Variants in DTL observed in about 807,000 individuals in gnomAD.
DTL encodes denticleless E3 ubiquitin protein ligase adapter.
In DTL, 46 loss-of-function variants were observed where a neutral mutation model predicts 87.0. The ratio of observed to expected loss-of-function variants is 0.53; its 90% CI spans 0.42 to 0.68. The LOEUF (loss-of-function observed/expected upper bound fraction) is 0.68. DTL is among the 30% of genes least tolerant of loss of function. The probability of loss-of-function intolerance (pLI) is 0.00; values close to 1 mark genes in which losing one functional copy is unlikely to be tolerated. For synonymous variants in DTL, 308 were observed against 311.2 expected, an observed-to-expected ratio of 0.99 and a Z score of 0.11; for missense variants, 737 against 869.4, an observed-to-expected ratio of 0.85 and a Z score of 1.91.
chr1:212,092,270 C>T, intron 13 of DTL, among the ~76,000 whole-genome samples: 1 of 152,204 alleles, frequency 6.6e-6, no homozygotes, highest in East Asian at 1.9e-4. Flanking sequence ...CGCAGTGGCT[C>T]ATGCCTGTAA....
At chr1:212,049,068 G>A (rs558254389) in intron 5 of DTL, among the ~76,000 whole-genome samples, 9 of 152,194 alleles carry the variant, frequency 5.9e-5, no homozygotes, top group African/African-American at 1.7e-4. Flanking sequence ...GATTACAGGC[G>A]TGTACCACCA....
chr1:212,083,067 C>T (rs1655032576), intron 13 of DTL, among the ~76,000 whole-genome samples: 1 of 152,166 alleles, frequency 6.6e-6, no homozygotes, highest in Non-Finnish European at 1.5e-5. Flanking sequence ...TCCATTTTCA[C>T]ACTGCTGATA....
intron 12 of DTL, 107 bp from the exon 13 acceptor site, chr1:212,080,508 A>T: frequency 1.0e-6 from 1 of 1,003,848 alleles, no homozygotes; most frequent in Non-Finnish European, 1.5e-6. Flanking sequence ...CCTGTTTATT[A>T]GACAAAATAA....
intron 5 of DTL, among the ~76,000 whole-genome samples, chr1:212,050,398 C>G (rs1249072321): frequency 7.2e-5 from 11 of 152,156 alleles, no homozygotes; most frequent in Non-Finnish European, 7.4e-5. Context: ...AAAATGGACT[C>G]AGATAAGTGC....
At chr1:212,086,244 T>C (rs1213725610) in intron 13 of DTL, among the ~76,000 whole-genome samples, 1 of 152,212 alleles carries the variant, frequency 6.6e-6, no homozygotes. Flanking sequence ...GTCCATGAAC[T>C]TGGATGTCTT....
chr1:212,037,804 G>C (rs1460424354), intron 1 of DTL, among the ~76,000 whole-genome samples: 2 of 152,158 alleles, frequency 1.3e-5, no homozygotes, highest in African/African-American at 4.8e-5. Flanking sequence ...AGTGAAAATT[G>C]GAAGGAGCAC....
rs1333095039 is a variant in DTL, at chr1:212,043,017, A to C, written c.77A>C (p.Gln26Pro). The C allele has an allele frequency of 1.2e-6, 2 of 1,611,580 alleles. No homozygotes were observed. The highest frequency in any genetic ancestry group is 1.7e-5 in the Admixed American group (1 of 59,644). The change falls in exon 2 of 15, where the codon CAA becomes CCA. Residue 26 changes from glutamine (Q) to proline (P), a missense_variant. Physicochemically the swap from Gln to Pro is moderately conservative, Grantham distance 76 (BLOSUM62 -1). Coordinates refer to ENST00000366991, the MANE Select transcript of DTL (RefSeq NM_016448.4). ...RNGWSSQYPL[Q>P]SLLTGYQCSG... The stretch of plus-strand genomic sequence containing the variant: ...GGATGGTCTTCACAATACCCTCTTC[A>C]ATCCCTTCTGACTGGTTATCAGTGC...
intron 13 of DTL, among the ~76,000 whole-genome samples, chr1:212,087,295 A>G (rs1375713588): frequency 6.6e-6 from 1 of 152,110 alleles, no homozygotes; most frequent in Non-Finnish European, 1.5e-5. Flanking sequence ...CACGCCTGTA[A>G]TCCCAGCACT....
intron 5 of DTL, among the ~76,000 whole-genome samples, chr1:212,058,282 C>G (rs1160739261): frequency 6.6e-6 from 1 of 152,110 alleles, no homozygotes; most frequent in Non-Finnish European, 1.5e-5. Flanking sequence ...AGAATATTCT[C>G]CAAGCTAGAC....
At position 212,100,490 on chromosome 1, in the gene DTL, G is replaced by A. The variant is rs377529893; in HGVS notation, c.1500G>A (p.Ser500=). 47 of 1,613,780 alleles carry A rather than the reference G, an allele frequency of 2.9e-5. No homozygotes were observed. Among genetic ancestry groups the A allele is most frequent in the African/African-American group, 1.3e-4 (10 of 74,798 alleles). The part of the protein sequence containing the change: ...SPKPPSSFKM[S]IRNWVTRTPS... ...AGCCACCTTCATCTTTCAAGATGTC[G>A]ATTAGAAACTGGGTGACCCGAACAC... The change falls in exon 14 of 15, where the codon TCG becomes TCA. Residue 500 remains serine (S), a synonymous_variant. Transcript: ENST00000366991.
chr1:212,100,430 C>T lies in DTL; in HGVS notation c.1440C>T (p.Ile480=). ...CTCCTGCCAAGGCCCGGTCTCCCAT[C>T]AACAGAAGAGGCTCTGTCTCCTCCG... ...KTSPAKARSP[I]NRRGSVSSVS... Residue 480 remains isoleucine (I), a synonymous_variant, in exon 14 of 15, where the codon ATC becomes ATT. Transcript: ENST00000366991. 6.2e-7 allele frequency: 1 copy of T among 1,613,996 alleles called. No homozygotes were observed. The highest frequency in any genetic ancestry group is 8.5e-7 in the Non-Finnish European group (1 of 1,179,996).
chr1:212,047,506 T>A, intron 5 of DTL, 89 bp downstream of exon 5: 1 of 1,478,864 alleles, frequency 6.8e-7, no homozygotes, highest in Non-Finnish European at 9.3e-7. Context: ...CTTTCCCCTG[T>A]CAAAGTTACT....
intron 7 of DTL, among the ~76,000 whole-genome samples, chr1:212,065,548 A>T (rs1183583515): frequency 6.6e-6 from 1 of 152,124 alleles, no homozygotes; most frequent in Non-Finnish European, 1.5e-5. Flanking sequence ...CTCTACACAC[A>T]CAGACACAAA....
In DTL at chr1:212,042,994, A is replaced by T. The variant is rs767139532; in HGVS notation, c.54A>T (p.Gly18=). 18 of 1,598,920 alleles carry T rather than the reference A, an allele frequency of 1.1e-5. 1 individual carries two copies. The Admixed American group carries it at 3.2e-4, about 28-fold the overall frequency. Residue 18 remains glycine (G), a splice_region_variant and synonymous_variant, in exon 2 of 15, where the codon GGA becomes GGT. Coordinates refer to ENST00000366991, the MANE Select transcript of DTL (RefSeq NM_016448.4). The part of the protein sequence containing the change: ...RQPQLGVLRN[G]WSSQYPLQSL... Reference sequence around the variant, plus strand: ...CTATAAGGAATTATCTTGTTTTAGGATGGTCTTCACAATACCCTCTTCAAT... The same window carrying T: ...CTATAAGGAATTATCTTGTTTTAGGTTGGTCTTCACAATACCCTCTTCAAT...
intron 10 of DTL, among the ~76,000 whole-genome samples, chr1:212,069,584 T>G (rs1345752713): frequency 6.6e-6 from 1 of 151,948 alleles, no homozygotes; most frequent in Non-Finnish European, 1.5e-5. Flanking sequence ...TTCACTCTGT[T>G]GCCCAGGCTG....
rs528410747 is a variant in DTL, at chr1:212,048,811, T to TA, written c.460+1407dup. On this transcript the variant is annotated intron_variant, in intron 5 of 14. Coordinates refer to ENST00000366991, the MANE Select transcript of DTL (RefSeq NM_016448.4). ...CAGACATTACAATCTCCTTTATCACTAAAAAAAAAAAAAGTACTCTGTTTT... is the reference window on the plus strand; with the variant it reads ...CAGACATTACAATCTCCTTTATCACTAAAAAAAAAAAAAAGTACTCTGTTTT... 8.6e-3 allele frequency among the ~76,000 whole-genome samples: 1,225 copies of TA among 142,190 alleles called. 18 individuals carry two copies. The highest frequency in any genetic ancestry group is 0.028 in the African/African-American group (1,083 of 39,080). 93.3% of individuals were successfully genotyped at this position (142,190 alleles called of 152,430 possible). A position where few individuals can be genotyped will look rare whatever the true frequency, so the allele number is the denominator to read the frequency against.
At chr1:212,067,467 C>CT (rs1654539811) in intron 8 of DTL, among the ~76,000 whole-genome samples, 1 of 152,158 alleles carries the variant, frequency 6.6e-6, no homozygotes, top group Non-Finnish European at 1.5e-5. Context: ...CAAATGGAGA[C>CT]TCTTTCTTTT....
chr1:212,047,362 A>AT lies in DTL; in HGVS notation c.406dup (p.Cys136LeufsTer15). The AT allele has an allele frequency of 8.1e-6, 13 of 1,614,246 alleles. No homozygotes were observed. Among genetic ancestry groups the AT allele is most frequent in the Non-Finnish European group, 1.1e-5 (13 of 1,180,040 alleles). ...TAAAAGCTGGTGAGCTGATTGGAAC[A>AT]TGCAAAGGTCATCAATGCAGCCTCA... On this transcript the variant is annotated frameshift_variant, in exon 5 of 15. Transcript: ENST00000366991. LOFTEE classifies it high-confidence loss of function.
chr1:212,079,293 TATTC>T (rs1283271188), intron 12 of DTL, among the ~76,000 whole-genome samples: 2 of 152,162 alleles, frequency 1.3e-5, no homozygotes, highest in Non-Finnish European at 2.9e-5. Flanking sequence ...ATTTTTGAAT[TATTC>T]AGTTAATTAT....
Sources: allele counts gnomAD v4.1 joint callset (sites outside exome capture counted in the v4.1 genomes callset), GRCh38; gene constraint gnomAD v4.1.1; transcripts MANE v1.5; gene names NCBI Gene and HGNC (gene_info 2026-07-23, HGNC 2026-07-21).